NCOA1: variants seen among roughly 807,000 people sequenced by gnomAD.
NCOA1 encodes Hin-2 protein.
A neutral mutation model predicts 150.9 loss-of-function variants in NCOA1; 35 were observed. The ratio of observed to expected loss-of-function variants is 0.23; its 90% CI spans 0.18 to 0.31. The LOEUF (loss-of-function observed/expected upper bound fraction) is 0.31, where lower values mean the gene tolerates loss of function less well. Ranked by LOEUF, NCOA1 falls within the 10% of genes least tolerant of loss-of-function variation. The pLI, the probability that NCOA1 is intolerant of heterozygous loss-of-function variation, is 1.00. For synonymous variants in NCOA1, 590 were observed against 630.0 expected (o/e 0.94, Z 0.95); for missense variants, 1,491 against 1,749.3 (o/e 0.85, Z 2.63).
rs10173263 is a variant in NCOA1 at position 24,627,435 on chromosome 2, C to A, written c.-174-16531C>A. Among the ~76,000 whole-genome samples the A allele has an allele frequency of 4.6e-3, 707 of 152,162 alleles. 6 individuals carry two copies. The highest frequency in any genetic ancestry group is 0.016 in the African/African-American group (663 of 41,494). Reference sequence around the variant, plus strand: ...ACTTTAGTAGCTGTTCTTTGCTATCCTTAAGGGGTACGAAGAACTGGTAAG... The same window carrying A: ...ACTTTAGTAGCTGTTCTTTGCTATCATTAAGGGGTACGAAGAACTGGTAAG... On this transcript the variant is annotated intron_variant, in intron 3 of 22. Transcript: ENST00000348332.
intron 1 of NCOA1, among the ~76,000 whole-genome samples, chr2:24,542,968 T>G (rs1347895756): frequency 6.6e-6 from 1 of 152,184 alleles, no homozygotes; most frequent in East Asian, 1.9e-4. Flanking sequence ...TCAAAAGTAT[T>G]TAAGCATTTG....
rs1026165069 is a variant in NCOA1 at position 24,537,569 on chromosome 2, G to T, written c.-395-26726G>T. On this transcript the variant is annotated intron_variant, in intron 1 of 22. Transcript: ENST00000348332. ...GAATGAAACTGGTTACCACAGGTGG[G>T]ATGTTGGGGAGAAAGGTGAGGAAAT... Among the ~76,000 whole-genome samples the T allele has an allele frequency of 5.3e-5, 8 of 151,898 alleles. No homozygotes were observed. In the East Asian group the frequency reaches 1.5e-3, roughly 29 times the overall value.
At chr2:24,551,046 G>C (rs1665810283) in intron 1 of NCOA1, among the ~76,000 whole-genome samples, 1 of 149,096 alleles carries the variant, frequency 6.7e-6, no homozygotes, top group Admixed American at 6.7e-5. Context: ...AGTGAGCTGA[G>C]ATTGTGCCAC....
intron 3 of NCOA1, among the ~76,000 whole-genome samples, chr2:24,639,876 A>G (rs1670101738): frequency 7.5e-6 from 1 of 133,662 alleles, no homozygotes; most frequent in Non-Finnish European, 1.6e-5. Flanking sequence ...CGACAGTGCG[A>G]GACTCTGTCT....
chr2:24,593,289 A>C (rs1667735695), intron 3 of NCOA1, among the ~76,000 whole-genome samples: 1 of 152,114 alleles, frequency 6.6e-6, no homozygotes, highest in Admixed American at 6.6e-5. Context: ...GATAGACTGG[A>C]TCAGTCTACC....
At chr2:24,571,729 A>G (rs2148282244) in intron 2 of NCOA1, among the ~76,000 whole-genome samples, 1 of 152,274 alleles carries the variant, frequency 6.6e-6, no homozygotes, top group South Asian at 2.1e-4. Flanking sequence ...AGTTATCTTA[A>G]TACATAGGGA....
At chr2:24,503,063 T>G (rs1663531707) in intron 1 of NCOA1, among the ~76,000 whole-genome samples, 1 of 152,218 alleles carries the variant, frequency 6.6e-6, no homozygotes, top group Non-Finnish European at 1.5e-5. Context: ...ACAATATTTG[T>G]CAAGTCATAT....
chr2:24,694,776 A>G (rs968275314), intron 10 of NCOA1, among the ~76,000 whole-genome samples: 5 of 152,206 alleles, frequency 3.3e-5, no homozygotes, highest in Middle Eastern at 6.8e-3. Context: ...TAAACGTACT[A>G]TGGATATGTA....
intron 15 of NCOA1, 27 bp downstream of exon 15, chr2:24,726,733 A>C (rs41281517): frequency 0.042 from 61,515 of 1,463,580 alleles, 1,846 homozygotes; most frequent in East Asian, 0.15. Flanking sequence ...GTATTTTATA[A>C]GGTATCAGAT....
At chr2:24,653,931 G>T (rs968906891) in intron 4 of NCOA1, among the ~76,000 whole-genome samples, 1 of 151,966 alleles carries the variant, frequency 6.6e-6, no homozygotes, top group Non-Finnish European at 1.5e-5. Flanking sequence ...TTCTACTTTT[G>T]TAGAAAAGTT....
chr2:24,756,971 A>G (rs1664536457), intron 20 of NCOA1, among the ~76,000 whole-genome samples: 1 of 152,216 alleles, frequency 6.6e-6, no homozygotes, highest in Non-Finnish European at 1.5e-5. Context: ...ACATGAAGCT[A>G]TGTTGAGGCC....
At chr2:24,538,990 T>A (rs901683193) in intron 1 of NCOA1, among the ~76,000 whole-genome samples, 5 of 152,180 alleles carry the variant, frequency 3.3e-5, no homozygotes, top group African/African-American at 1.2e-4. Context: ...AGCGTTAAAA[T>A]TCAAAGACCT....
At chr2:24,589,630 G>GGGGTGT (rs1553433027) in intron 3 of NCOA1, among the ~76,000 whole-genome samples, 2 of 147,450 alleles carry the variant, frequency 1.4e-5, no homozygotes, top group African/African-American at 5.0e-5. Flanking sequence ...AGAGGTTGGT[G>GGGGTGT]GTGTGTGTGT....
intron 3 of NCOA1, among the ~76,000 whole-genome samples, chr2:24,641,185 A>G (rs1374417785): frequency 6.6e-6 from 1 of 151,604 alleles, no homozygotes; most frequent in Non-Finnish European, 1.5e-5. Flanking sequence ...TTTGTAGTTA[A>G]CATTGTAATA....
intron 11 of NCOA1, among the ~76,000 whole-genome samples, chr2:24,704,751 C>T (rs1192252622): frequency 1.3e-5 from 2 of 150,966 alleles, no homozygotes; most frequent in East Asian, 1.9e-4. Flanking sequence ...CTAGCCTGGG[C>T]GACAGAGTGA....
intron 1 of NCOA1, among the ~76,000 whole-genome samples, chr2:24,527,755 A>G (rs951770100): frequency 6.6e-6 from 1 of 152,168 alleles, no homozygotes; most frequent in African/African-American, 2.4e-5. Context: ...ATTTTCCATA[A>G]TGGCTGCACT....
chr2:24,703,683 T>C (rs1673275057), intron 11 of NCOA1, among the ~76,000 whole-genome samples: 1 of 152,184 alleles, frequency 6.6e-6, no homozygotes. Context: ...TATTATGGTA[T>C]AGATTTACAT....
chr2:24,599,289 CA>C (rs1163854013), intron 3 of NCOA1, among the ~76,000 whole-genome samples: 1 of 152,128 alleles, frequency 6.6e-6, no homozygotes, highest in East Asian at 1.9e-4. Flanking sequence ...CATTCTGAGA[CA>C]CAAAATATGG....
At chr2:24,495,198 A>G (rs983747841) in intron 1 of NCOA1, among the ~76,000 whole-genome samples, 2 of 150,982 alleles carry the variant, frequency 1.3e-5, no homozygotes, top group African/African-American at 4.9e-5. Flanking sequence ...TTTCTGCAGG[A>G]TACATGGCTG....
Sources: gnomAD v4.1 joint callset for allele counts (sites outside exome capture counted in the v4.1 genomes callset) on GRCh38, gnomAD v4.1.1 for gene constraint, MANE v1.5 for transcripts, NCBI Gene and HGNC (gene_info 2026-07-23, HGNC 2026-07-21) for gene names.